The following TMEM135 variants were observed in gnomAD, a reference collection of about 807,000 sequenced individuals.
TMEM135 encodes transmembrane protein 135.
A neutral mutation model predicts 60.3 loss-of-function variants in TMEM135; 30 were observed. That is an observed-to-expected ratio of 0.50 (90% confidence interval 0.37 to 0.68). TMEM135 has a LOEUF of 0.68. TMEM135 is among the 30% of genes least tolerant of loss of function. The pLI is 0.00. For synonymous variants in TMEM135, 190 were observed against 186.7 expected, an observed-to-expected ratio of 1.02 and a Z score of -0.14; for missense variants, 468 against 548.8, an observed-to-expected ratio of 0.85 and a Z score of 1.47.
chr11:87,311,090 T>C (rs558244022), intron 10 of TMEM135, among the ~76,000 whole-genome samples: 24 of 120,216 alleles, frequency 2.0e-4, no homozygotes, highest in African/African-American at 7.5e-4. Flanking sequence ...ATATATTCTG[T>C]GGGTATATAT....
intron 1 of TMEM135, among the ~76,000 whole-genome samples, chr11:87,056,291 G>C (rs73523148): frequency 2.0e-5 from 3 of 152,254 alleles, no homozygotes; most frequent in Admixed American, 6.5e-5. Flanking sequence ...AGCCCAGCAG[G>C]TCTCAGCCTC....
At position 87,038,199 on chromosome 11, in the gene TMEM135, A is replaced by C; in HGVS notation, c.141+13A>C. The C allele has an allele frequency of 6.2e-7, 1 of 1,613,280 alleles. No individual in the cohort carries two copies. The stretch of plus-strand genomic sequence containing the variant: ...TCCTCTGTACTTGGTGAGACCCGTC[A>C]CCCGTCCCGCAGGGCGAGTTTAGTC... On this transcript the variant is annotated intron_variant, in intron 1 of 14. Transcript: ENST00000305494.
intron 6 of TMEM135, among the ~76,000 whole-genome samples, chr11:87,254,796 A>G (rs1176285508): frequency 6.6e-6 from 1 of 152,080 alleles, no homozygotes; most frequent in Non-Finnish European, 1.5e-5. Context: ...GTGGATGGCG[A>G]GTGATGGGAC....
At chr11:87,214,226 C>G (rs924592319) in intron 5 of TMEM135, among the ~76,000 whole-genome samples, 7 of 152,134 alleles carry the variant, frequency 4.6e-5, no homozygotes, top group African/African-American at 1.4e-4. Context: ...GAAGAGATCC[C>G]TGTTCTAGAA....
intron 4 of TMEM135, 36 bp from the exon 5 acceptor site, chr11:87,157,305 C>A (rs556139): frequency 5.1e-6 from 8 of 1,567,552 alleles, no homozygotes; most frequent in Admixed American, 1.7e-5. Flanking sequence ...GATTGTAGAT[C>A]ATATATTTTT....
intron 4 of TMEM135, among the ~76,000 whole-genome samples, chr11:87,122,173 A>C (rs1459379626): frequency 2.6e-5 from 4 of 152,106 alleles, no homozygotes; most frequent in African/African-American, 9.7e-5. Flanking sequence ...TACATTATAC[A>C]TATTAAAGCA....
chr11:87,244,686 C>T (rs1449043772), intron 6 of TMEM135, among the ~76,000 whole-genome samples: 4 of 102,212 alleles, frequency 3.9e-5, no homozygotes, highest in Admixed American at 9.2e-5. Context: ...TCTGTGGGAT[C>T]AGTGGTGATA....
chr11:87,221,751 A>G (rs141672761), intron 5 of TMEM135, among the ~76,000 whole-genome samples: 2 of 152,346 alleles, frequency 1.3e-5, no homozygotes, highest in African/African-American at 4.8e-5. Flanking sequence ...CAGTTTCACT[A>G]GATTTTCATC....
intron 5 of TMEM135, among the ~76,000 whole-genome samples, chr11:87,202,733 A>G (rs928804029): frequency 2.7e-4 from 40 of 149,762 alleles, no homozygotes; most frequent in African/African-American, 9.7e-4. Context: ...AAGACTTTAA[A>G]AAAAAAAAAA....
intron 5 of TMEM135, among the ~76,000 whole-genome samples, chr11:87,232,053 CA>C (rs1047063424): frequency 6.6e-6 from 1 of 151,446 alleles, no homozygotes; most frequent in African/African-American, 2.4e-5. Context: ...TGGGTTCAAG[CA>C]ATTGTCATGT....
At chr11:87,270,289 G>T (rs1941838843) in intron 6 of TMEM135, among the ~76,000 whole-genome samples, 1 of 151,486 alleles carries the variant, frequency 6.6e-6, no homozygotes, top group African/African-American at 2.4e-5. Flanking sequence ...CTCCCATTTT[G>T]TAGGATGCCT....
intron 1 of TMEM135, among the ~76,000 whole-genome samples, chr11:87,062,459 C>T (rs1026621204): frequency 9.1e-5 from 11 of 120,562 alleles, no homozygotes; most frequent in African/African-American, 3.4e-4. Context: ...CTTCTAATAT[C>T]ATTTATTTAT....
At chr11:87,115,273 C>G (rs891700661) in intron 4 of TMEM135, among the ~76,000 whole-genome samples, 1 of 152,080 alleles carries the variant, frequency 6.6e-6, no homozygotes, top group African/African-American at 2.4e-5. Context: ...ATTAACATCT[C>G]TTTAATAATT....
In TMEM135 at chr11:87,295,828, G is replaced by T; in HGVS notation, c.551+5G>T. ...ATTTACATTTTCTGCACTTAGGTAA[G>T]AAACATTTATTTTTATGTTGAGAGA... On this transcript the variant is annotated splice_donor_5th_base_variant and intron_variant, in intron 7 of 14. Coordinates refer to ENST00000305494, the MANE Select transcript of TMEM135 (RefSeq NM_022918.4). 6.2e-7 allele frequency: 1 copy of T among 1,603,606 alleles called. No individual in the cohort carries two copies. The highest frequency in any genetic ancestry group is 1.1e-5 in the South Asian group (1 of 89,264).
At chr11:87,219,086 CATT>C (rs1241322994) in intron 5 of TMEM135, among the ~76,000 whole-genome samples, 1 of 152,244 alleles carries the variant, frequency 6.6e-6, no homozygotes, top group East Asian at 1.9e-4. Flanking sequence ...AAAATTAAAA[CATT>C]AGAAATATTT....
At chr11:87,259,072 A>G in intron 6 of TMEM135, 1 of 1,245,256 alleles carries the variant, frequency 8.0e-7, no homozygotes, top group African/African-American at 1.5e-5. Context: ...AAAGAGGGAG[A>G]GAAAGAAGAG....
intron 12 of TMEM135, 71 bp from the exon 13 acceptor site, chr11:87,318,066 C>A: frequency 8.6e-7 from 1 of 1,165,974 alleles, no homozygotes; most frequent in Non-Finnish European, 1.3e-6. Flanking sequence ...AGGCAGGGAG[C>A]ACAATGCTCA....
chr11:87,203,235 T>G (rs1424908962), intron 5 of TMEM135, among the ~76,000 whole-genome samples: 1 of 152,060 alleles, frequency 6.6e-6, no homozygotes, highest in Non-Finnish European at 1.5e-5. Context: ...TAGTTTACAT[T>G]AGGGTTCACT....
chr11:87,288,107 GT>G (rs1942202004), intron 6 of TMEM135, among the ~76,000 whole-genome samples: 1 of 152,124 alleles, frequency 6.6e-6, no homozygotes, highest in Non-Finnish European at 1.5e-5. Flanking sequence ...ACTACCCACA[GT>G]TTGGTTTTAT....
Sources: allele counts gnomAD v4.1 joint callset (sites outside exome capture counted in the v4.1 genomes callset), GRCh38; gene constraint gnomAD v4.1.1; transcripts MANE v1.5; gene names NCBI Gene and HGNC (gene_info 2026-07-23, HGNC 2026-07-21).